Variants in CCDC3 observed in about 807,000 individuals in gnomAD.
The protein encoded by CCDC3 is coiled-coil domain containing 3, also known as coiled-coil domain-containing protein 3.
In CCDC3, 24 loss-of-function variants were observed where a neutral mutation model predicts 21.4. The ratio of observed to expected loss-of-function variants is 1.12; its 90% CI spans 0.81 to 1.58. The LOEUF (loss-of-function observed/expected upper bound fraction) is 1.58. Ranked by LOEUF, CCDC3 falls within the 40% of genes most tolerant of loss-of-function variation. The probability of loss-of-function intolerance (pLI) is 0.00; values close to 1 mark genes in which losing one functional copy is unlikely to be tolerated. For synonymous variants in CCDC3, 186 were observed against 166.0 expected (o/e 1.12, Z -0.93); for missense variants, 425 against 360.9 (o/e 1.18, Z -1.44).
chr10:13,082,705 C>G (rs1837057793), intron 3 of CCDC3, among the ~76,000 whole-genome samples: 1 of 152,214 alleles, frequency 6.6e-6, no homozygotes, highest in African/African-American at 2.4e-5. Flanking sequence ...TACCGCTAGA[C>G]CAAGGAGCCC....
intron 4 of CCDC3, among the ~76,000 whole-genome samples, chr10:13,067,864 A>C (rs1836840428): frequency 6.6e-6 from 1 of 150,708 alleles, no homozygotes; most frequent in African/African-American, 2.4e-5. Context: ...AAGAGCACTC[A>C]GCTTAATTAA....
At chr10:13,043,974 C>T (rs1836493625) in intron 5 of CCDC3, among the ~76,000 whole-genome samples, 1 of 152,146 alleles carries the variant, frequency 6.6e-6, no homozygotes, top group Non-Finnish European at 1.5e-5. Flanking sequence ...TCCTCATCAA[C>T]AGTAAATAAG....
chr10:13,007,104 T>C lies in CCDC3; in HGVS notation c.-1-8592A>G, dbSNP rs1191240897. Among the ~76,000 whole-genome samples, 3 of 152,322 alleles carry C rather than the reference T, an allele frequency of 2.0e-5. 1 individual carries two copies. The highest frequency in any genetic ancestry group is 4.1e-4 in the South Asian group (2 of 4,824). On this transcript the variant is annotated intron_variant, in intron 5 of 6. Transcript: ENST00000378839. ...TCATCCTGTACTAGAGTCATAACTTTTCTAGAAAGAGGAGAAACCACAGAG... is the reference window on the plus strand; with the variant it reads ...TCATCCTGTACTAGAGTCATAACTTCTCTAGAAAGAGGAGAAACCACAGAG...
chr10:13,061,051 A>C (rs1299541492), intron 4 of CCDC3, among the ~76,000 whole-genome samples: 1 of 152,224 alleles, frequency 6.6e-6, no homozygotes, highest in East Asian at 1.9e-4. Flanking sequence ...GTCCAACCAC[A>C]CTTGGATTCA....
At chr10:13,050,456 CTTTTTTT>C (rs35126304) in intron 4 of CCDC3, among the ~76,000 whole-genome samples, 1 of 98,596 alleles carries the variant, frequency 1.0e-5, no homozygotes, top group African/African-American at 4.0e-5. Context: ...ATTATTTATT[CTTTTTTT>C]TTTTTTTTTT....
upstream of CCDC3, among the ~76,000 whole-genome samples, chr10:13,006,638 G>C (rs1256412414): frequency 6.6e-6 from 1 of 152,206 alleles, no homozygotes; most frequent in Non-Finnish European, 1.5e-5. Flanking sequence ...CCATGGGTCA[G>C]AGAGAAAATG....
chr10:12,928,118 A>C (rs1007648049), intron 2 of CCDC3, among the ~76,000 whole-genome samples: 25 of 152,222 alleles, frequency 1.6e-4, no homozygotes, highest in African/African-American at 5.5e-4. Flanking sequence ...AATGCTGTTC[A>C]AATAAAAATG....
Position 12,958,333 on chromosome 10 carries a change from C to T in CCDC3, c.549+40005G>A, listed in dbSNP as rs754518364. Among the ~76,000 whole-genome samples, 5 of 152,100 alleles carry T rather than the reference C, an allele frequency of 3.3e-5. No homozygotes were observed. The South Asian group carries it at 8.3e-4, about 25-fold the overall frequency. ...AGAACTGCAACCTGACACCATGAGG[C>T]GACAGACCTAAGAGCCAAGCCAGCA... On this transcript the variant is annotated intron_variant, in intron 2 of 2. Coordinates refer to ENST00000378825, the MANE Select transcript of CCDC3 (RefSeq NM_031455.4).
intron 2 of CCDC3, among the ~76,000 whole-genome samples, chr10:12,973,708 G>A (rs561627336): frequency 4.0e-5 from 6 of 151,794 alleles, no homozygotes; most frequent in East Asian, 1.9e-4. Flanking sequence ...ATATCCCCAC[G>A]GCCTTACTTG....
intron 4 of CCDC3, chr10:13,057,868 G>A (rs367971427): frequency 3.0e-4 from 131 of 440,698 alleles, no homozygotes; most frequent in Middle Eastern, 1.6e-3. Flanking sequence ...ATGACAGTGC[G>A]AGACTCTGTC....
At chr10:13,079,272 G>A (rs954530909) in intron 3 of CCDC3, among the ~76,000 whole-genome samples, 11 of 6,218 alleles carry the variant, frequency 1.8e-3, no homozygotes, top group South Asian at 0.17. Context: ...GAGGAGGCAC[G>A]CGTTGTGGCC....
At chr10:13,008,286 G>A (rs1835947786) in intron 5 of CCDC3, among the ~76,000 whole-genome samples, 2 of 152,196 alleles carry the variant, frequency 1.3e-5, no homozygotes, top group Non-Finnish European at 2.9e-5. Flanking sequence ...GAAAGGGCAT[G>A]ACCCAGTTCA....
chr10:13,014,714 G>C (rs1836029777), intron 5 of CCDC3, among the ~76,000 whole-genome samples: 1 of 151,984 alleles, frequency 6.6e-6, no homozygotes, highest in Non-Finnish European at 1.5e-5. Context: ...TTGGTACTGG[G>C]CTTGCAACTT....
intron 4 of CCDC3, among the ~76,000 whole-genome samples, chr10:13,064,786 T>TAATA (rs202197429): frequency 5.9e-5 from 9 of 152,094 alleles, no homozygotes; most frequent in Non-Finnish European, 8.8e-5. Flanking sequence ...AGACTCTGTC[T>TAATA]AATAAATAAA....
At chr10:12,904,897 T>C (rs1834147231) in intron 2 of CCDC3, among the ~76,000 whole-genome samples, 1 of 152,152 alleles carries the variant, frequency 6.6e-6, no homozygotes, top group Non-Finnish European at 1.5e-5. Context: ...CCCCCAGTTA[T>C]TCTGGAATAT....
rs111808488 is a variant in CCDC3, at chr10:13,082,637, G to A, written c.-502-8537C>T. ...GTAACGGGTGCCTTCCCTAGGCACT[G>A]ACATTACTGCTAGACCAAGGTCAGC... On this transcript the variant is annotated intron_variant, in intron 3 of 6. Transcript: ENST00000378839. Among the ~76,000 whole-genome samples the A allele has an allele frequency of 3.0e-3, 463 of 152,274 alleles. 4 individuals are homozygous for A. The highest frequency in any genetic ancestry group is 0.01 in the African/African-American group (427 of 41,566).
chr10:12,919,908 A>G (rs1480173283), intron 2 of CCDC3, among the ~76,000 whole-genome samples: 3 of 152,154 alleles, frequency 2.0e-5, no homozygotes, highest in African/African-American at 7.2e-5. Context: ...TTGACCAGGG[A>G]TGGGCAGTGA....
intron 5 of CCDC3, among the ~76,000 whole-genome samples, chr10:13,023,700 T>C (rs979950121): frequency 6.6e-6 from 1 of 152,142 alleles, no homozygotes; most frequent in African/African-American, 2.4e-5. Flanking sequence ...GCCATGTCCT[T>C]ACTACATGAA....
Position 13,001,279 on chromosome 10 carries a change from T to A in CCDC3, c.292A>T (p.Arg98Trp). Residue 98 changes from arginine (R) to tryptophan (W), a missense_variant, in exon 1 of 3, where the codon AGG becomes TGG. Arg to Trp is a moderately radical substitution (Grantham distance 101, BLOSUM62 -3). Coordinates refer to ENST00000378825, the MANE Select transcript of CCDC3 (RefSeq NM_031455.4). ...GSMLEVPAGS[R>W]LNLTGLGYFS... is the part of the protein sequence containing the mutation. The stretch of plus-strand genomic sequence containing the variant: ...TAGCCCAGGCCGGTGAGGTTGAGCC[T>A]GGAGCCGGCGGGCACCTCCAGCATG... 6.2e-7 allele frequency: 1 copy of A among 1,603,586 alleles called. No homozygotes were observed.
Sources: gnomAD v4.1 joint callset for allele counts (sites outside exome capture counted in the v4.1 genomes callset) on GRCh38, gnomAD v4.1.1 for gene constraint, MANE v1.5 for transcripts, NCBI Gene and HGNC (gene_info 2026-07-23, HGNC 2026-07-21) for gene names.